The following FAM13B variants were observed in gnomAD, a reference collection of about 807,000 sequenced individuals.
FAM13B encodes protein FAM13B.
FAM13B carries 60 observed loss-of-function variants against 117.3 expected under a neutral mutation model. The ratio of observed to expected loss-of-function variants is 0.51; its 90% CI spans 0.42 to 0.63. FAM13B has a LOEUF of 0.63. Ranked by LOEUF, FAM13B falls within the 30% of genes least tolerant of loss-of-function variation. The probability of loss-of-function intolerance (pLI) is 0.00; values close to 1 mark genes in which losing one functional copy is unlikely to be tolerated. For synonymous variants in FAM13B, 332 were observed against 356.1 expected (o/e 0.93, Z 0.76); for missense variants, 972 against 1,091.9 (o/e 0.89, Z 1.55).
chr5:137,964,638 T>C (rs1454381034), intron 10 of FAM13B, among the ~76,000 whole-genome samples: 1 of 151,914 alleles, frequency 6.6e-6, no homozygotes, highest in Non-Finnish European at 1.5e-5. Flanking sequence ...GGAGAATTGC[T>C]TGAACCCAGG....
intron 20 of FAM13B, 105 bp downstream of exon 20, chr5:137,945,797 T>C (rs1440090751): frequency 1.4e-6 from 1 of 719,092 alleles, no homozygotes; most frequent in African/African-American, 1.8e-5. Flanking sequence ...GACAATTATT[T>C]CTGTCTTGGC....
intron 1 of FAM13B, among the ~76,000 whole-genome samples, chr5:138,031,693 A>T (rs1426400361): frequency 6.6e-6 from 1 of 152,134 alleles, no homozygotes; most frequent in Admixed American, 6.6e-5. Context: ...AAGGAAAAAA[A>T]AAAAAAAGTA....
chr5:137,953,669 T>G (rs1389485029), intron 15 of FAM13B, among the ~76,000 whole-genome samples: 1 of 152,202 alleles, frequency 6.6e-6, no homozygotes, highest in African/African-American at 2.4e-5. Context: ...GAAAACAGTT[T>G]GGAATCATTT....
intron 7 of FAM13B, among the ~76,000 whole-genome samples, chr5:138,006,188 C>T (rs111758009): frequency 0.014 from 2,085 of 152,248 alleles, 63 homozygotes; most frequent in African/African-American, 0.048. Context: ...TCAGCCACCG[C>T]GCCCGGCCTA....
At chr5:138,050,418 C>T (rs1297641670) in intron 1 of FAM13B, among the ~76,000 whole-genome samples, 2 of 149,348 alleles carry the variant, frequency 1.3e-5, no homozygotes, top group African/African-American at 4.9e-5. Context: ...GCCTAGGCAA[C>T]AAGAATGAAA....
chr5:137,955,928 G>A (rs1396018517), intron 14 of FAM13B, among the ~76,000 whole-genome samples: 2 of 152,182 alleles, frequency 1.3e-5, no homozygotes, highest in East Asian at 1.9e-4. Flanking sequence ...CACCACGCCC[G>A]GCAGCTTTTT....
intron 10 of FAM13B, among the ~76,000 whole-genome samples, chr5:137,974,932 T>C (rs1308058010): frequency 6.6e-6 from 1 of 152,132 alleles, no homozygotes; most frequent in Non-Finnish European, 1.5e-5. Flanking sequence ...GAAGTGAAAA[T>C]GACACAAAAT....
intron 1 of FAM13B, among the ~76,000 whole-genome samples, chr5:138,041,067 A>T (rs1417521688): frequency 6.6e-6 from 1 of 150,896 alleles, no homozygotes; most frequent in Non-Finnish European, 1.5e-5. Flanking sequence ...CCATCTCAAA[A>T]AAAAAAAAAA....
At chr5:137,967,999 G>A (rs952480617) in intron 10 of FAM13B, among the ~76,000 whole-genome samples, 1 of 151,996 alleles carries the variant, frequency 6.6e-6, no homozygotes, top group African/African-American at 2.4e-5. Context: ...TGAGGAGGGC[G>A]GATCACGAAG....
rs1363767349 is a variant in FAM13B at position 137,939,846 on chromosome 5, C to T, written c.*379G>A. 7.8e-7 allele frequency: 1 copy of T among 1,287,344 alleles called. No individual in the cohort carries two copies. Among genetic ancestry groups the T allele is most frequent in the African/African-American group, 1.5e-5 (1 of 65,526 alleles). The allele number at this position is 1,287,344 out of a possible 1,614,324, so 79.7% of individuals were successfully genotyped here. On this transcript the variant is annotated 3_prime_UTR_variant, in exon 24 of 24. Coordinates refer to ENST00000689681, the MANE Select transcript of FAM13B (RefSeq NM_001385994.1). ...AAGAATTCAGTATGAAGATTTTCCT[C>T]CAATTTTCTTCAGTAATGAGAAACA... is the stretch of plus-strand genomic sequence containing the variant.
intron 4 of FAM13B, among the ~76,000 whole-genome samples, chr5:138,017,889 C>T (rs1785654429): frequency 6.6e-6 from 1 of 152,134 alleles, no homozygotes; most frequent in Admixed American, 6.6e-5. Context: ...CTTCCTTTTG[C>T]TAGGAAATTC....
intron 17 of FAM13B, among the ~76,000 whole-genome samples, chr5:137,952,233 G>A (rs1487171955): frequency 6.6e-6 from 1 of 152,056 alleles, no homozygotes; most frequent in African/African-American, 2.4e-5. Context: ...ACTGTGATTA[G>A]ACATTCTTAG....
At chr5:137,949,587 C>T (rs1278964003) in intron 17 of FAM13B, among the ~76,000 whole-genome samples, 2 of 152,182 alleles carry the variant, frequency 1.3e-5, no homozygotes, top group Admixed American at 1.3e-4. Context: ...CGAGACCAGC[C>T]TGGTCCACAT....
chr5:138,031,147 A>G (rs1481201261), intron 1 of FAM13B, among the ~76,000 whole-genome samples: 1 of 152,230 alleles, frequency 6.6e-6, no homozygotes, highest in Non-Finnish European at 1.5e-5. Flanking sequence ...TGATTATAAA[A>G]GCAGTTATTT....
chr5:138,026,103 CTT>C (rs1393148514), intron 1 of FAM13B, among the ~76,000 whole-genome samples: 7 of 152,162 alleles, frequency 4.6e-5, no homozygotes, highest in Non-Finnish European at 1.0e-4. Flanking sequence ...ATTTCAAAGA[CTT>C]TAACTATATC....
In FAM13B at chr5:137,938,046, T is replaced by C. The variant is rs1334674280; in HGVS notation, c.*2179A>G. The C allele has an allele frequency of 6.6e-6, 1 of 152,120 alleles. No homozygotes were observed. The highest frequency in any genetic ancestry group is 1.9e-4 in the East Asian group (1 of 5,202). The allele number at this position is 152,120 out of a possible 1,614,324, so 9.4% of individuals were successfully genotyped here. On this transcript the variant is annotated 3_prime_UTR_variant, in exon 24 of 24. Transcript: ENST00000689681. ...GCCATTATACTGGTGGACATATATA[T>C]CTATATATTATTTGTATATAGATAT...
chr5:137,979,635 T>C (rs1775069657), intron 10 of FAM13B, among the ~76,000 whole-genome samples: 1 of 152,180 alleles, frequency 6.6e-6, no homozygotes, highest in African/African-American at 2.4e-5. Flanking sequence ...ACATTCAACA[T>C]TACCCTGTAA....
At chr5:138,028,090 A>G (rs1788912384) in intron 1 of FAM13B, among the ~76,000 whole-genome samples, 1 of 152,240 alleles carries the variant, frequency 6.6e-6, no homozygotes. Context: ...TTAAGTTCAT[A>G]CTGGCTTGGC....
At chr5:137,942,376 T>C (rs2150113442) in intron 22 of FAM13B, 1 of 263,890 alleles carries the variant, frequency 3.8e-6, no homozygotes, top group Non-Finnish European at 7.2e-6. Context: ...GTTTGTTTCC[T>C]TTTTTAGAGA....
Sources: allele counts gnomAD v4.1 joint callset (sites outside exome capture counted in the v4.1 genomes callset), GRCh38; gene constraint gnomAD v4.1.1; transcripts MANE v1.5; gene names NCBI Gene and HGNC (gene_info 2026-07-23, HGNC 2026-07-21).